The following FRAS1 variants were observed in gnomAD, a reference collection of about 807,000 sequenced individuals.
FRAS1 encodes the protein Fraser extracellular matrix complex subunit 1, also known as extracellular matrix organizing protein FRAS1.
Under a neutral mutation model 435.2 loss-of-function variants are expected in FRAS1, and 290 were observed. The ratio of observed to expected loss-of-function variants is 0.67; its 90% CI spans 0.61 to 0.73. The LOEUF is 0.73. Ranked by LOEUF, FRAS1 falls within the 30% of genes least tolerant of loss-of-function variation. The pLI is 0.00. For missense variants in FRAS1, 4,860 were observed against 5,001.5 expected, an observed-to-expected ratio of 0.97 and a Z score of 0.85; for synonymous variants, 1,800 against 1,851.0, an observed-to-expected ratio of 0.97 and a Z score of 0.71.
chr4:78,443,172 G>C (rs1734725785), intron 41 of FRAS1, among the ~76,000 whole-genome samples: 2 of 152,258 alleles, frequency 1.3e-5, no homozygotes, highest in African/African-American at 4.8e-5. Flanking sequence ...AACATAGCAA[G>C]ACCTTGTCTC....
intron 20 of FRAS1, 117 bp from the exon 21 acceptor site, chr4:78,363,396 T>C (rs1731151464): frequency 9.9e-7 from 1 of 1,014,026 alleles, no homozygotes; most frequent in Non-Finnish European, 1.4e-6. Flanking sequence ...TTTGGGCTAC[T>C]CTCCAGCTGT....
At chr4:78,317,817 GT>G (rs1326035685) in intron 17 of FRAS1, among the ~76,000 whole-genome samples, 1 of 151,998 alleles carries the variant, frequency 6.6e-6, no homozygotes, top group Non-Finnish European at 1.5e-5. Context: ...CTTTGCTAAT[GT>G]TTTTCTTAGA....
At chr4:78,505,076 G>T (rs1344989258) in intron 61 of FRAS1, among the ~76,000 whole-genome samples, 1 of 152,160 alleles carries the variant, frequency 6.6e-6, no homozygotes, top group Non-Finnish European at 1.5e-5. Context: ...TGGCTTGTAG[G>T]GTTTCTGCCA....
At chr4:78,534,316 C>T (rs1721816375) in intron 70 of FRAS1, 133 bp from the exon 71 acceptor site, 4 of 636,964 alleles carry the variant, frequency 6.3e-6, no homozygotes, top group African/African-American at 1.8e-5. Flanking sequence ...TCCCTTTATT[C>T]AGTGAATATT....
intron 2 of FRAS1, among the ~76,000 whole-genome samples, chr4:78,163,804 G>A (rs765366831): frequency 6.6e-6 from 1 of 152,200 alleles, no homozygotes; most frequent in Non-Finnish European, 1.5e-5. Context: ...GCCTTGGACT[G>A]TTAGAAGTTT....
chr4:78,119,599 A>G (rs1578137068), intron 2 of FRAS1, among the ~76,000 whole-genome samples: 1 of 152,152 alleles, frequency 6.6e-6, no homozygotes, highest in South Asian at 2.1e-4. Context: ...GTTGTTGGAC[A>G]CTTAGGTTGA....
intron 2 of FRAS1, among the ~76,000 whole-genome samples, chr4:78,228,826 C>G (rs566710222): frequency 6.6e-6 from 1 of 152,192 alleles, no homozygotes; most frequent in African/African-American, 2.4e-5. Flanking sequence ...AAGGACAAGT[C>G]ACTGTGGTAA....
chr4:78,500,390 G>A (rs894877318), intron 61 of FRAS1, among the ~76,000 whole-genome samples: 25 of 152,174 alleles, frequency 1.6e-4, no homozygotes, highest in Non-Finnish European at 4.4e-5. Context: ...ATGGAGATGA[G>A]TTTGGGAAAA....
intron 66 of FRAS1, among the ~76,000 whole-genome samples, chr4:78,518,422 G>GTGTGTATATATA (rs1397809156): frequency 4.4e-5 from 6 of 135,718 alleles, no homozygotes; most frequent in Middle Eastern, 3.7e-3. Context: ...TTTTTGTTGT[G>GTGTGTATATATA]TATATATATA....
At chr4:78,493,564 C>A (rs956103910) in intron 59 of FRAS1, among the ~76,000 whole-genome samples, 3 of 151,950 alleles carry the variant, frequency 2.0e-5, no homozygotes, top group African/African-American at 7.3e-5. Flanking sequence ...AACAGAAAAC[C>A]AAACACTGAA....
At chr4:78,328,943 C>A (rs549898039) in intron 18 of FRAS1, among the ~76,000 whole-genome samples, 16 of 152,262 alleles carry the variant, frequency 1.1e-4, no homozygotes, top group Non-Finnish European at 8.8e-5. Flanking sequence ...GCATTACCCC[C>A]ACCAGGCCTC....
In FRAS1 at chr4:78,321,602, G is replaced by T. The variant is rs188646855; in HGVS notation, c.2137+2616G>T. On this transcript the variant is annotated intron_variant, in intron 18 of 73. Coordinates refer to ENST00000512123, the MANE Select transcript of FRAS1 (RefSeq NM_025074.7). ...CTCACGCCTGTAATCCCAGCACTTT[G>T]GGAGGCCGAGGCAGGTGGATCACCT... 5.6e-3 allele frequency among the ~76,000 whole-genome samples: 860 copies of T among 152,262 alleles called. 8 individuals carry two copies. Among genetic ancestry groups the T allele is most frequent in the African/African-American group, 0.02 (817 of 41,544 alleles).
Position 78,513,378 on chromosome 4 carries a change from C to A in FRAS1, c.10014-14C>A. Reference sequence around the variant, plus strand: ...CAGTCAGCTAAACATTTATTTCTGCCTTTTTCCCCCTAGAATCCACATTTC... The same window carrying A: ...CAGTCAGCTAAACATTTATTTCTGCATTTTTCCCCCTAGAATCCACATTTC... On this transcript the variant is annotated splice_polypyrimidine_tract_variant and intron_variant, in intron 64 of 73. Coordinates refer to ENST00000512123, the MANE Select transcript of FRAS1 (RefSeq NM_025074.7). 3 of 1,612,972 alleles carry A rather than the reference C, an allele frequency of 1.9e-6. No homozygotes were observed. The highest frequency in any genetic ancestry group is 2.5e-6 in the Non-Finnish European group (3 of 1,179,364).
At chr4:78,298,026 C>CTATATA (rs1228358368) in intron 14 of FRAS1, among the ~76,000 whole-genome samples, 4 of 113,370 alleles carry the variant, frequency 3.5e-5, no homozygotes, top group Non-Finnish European at 7.1e-5. Flanking sequence ...CTCTCTCTCT[C>CTATATA]TCTCTATATA....
At chr4:78,277,324 G>A (rs1578223491) in intron 9 of FRAS1, among the ~76,000 whole-genome samples, 1 of 152,078 alleles carries the variant, frequency 6.6e-6, no homozygotes, top group East Asian at 1.9e-4. Flanking sequence ...CCACTGTCCT[G>A]CACCCACTGT....
At chr4:78,511,666 C>T (rs1002869812) in intron 64 of FRAS1, 160 bp downstream of exon 64, 4 of 690,914 alleles carry the variant, frequency 5.8e-6, no homozygotes, top group Admixed American at 2.0e-5. Context: ...CCCTCAAGCT[C>T]GGGCCCCCTG....
chr4:78,264,093 C>G (rs1407914892), intron 6 of FRAS1, among the ~76,000 whole-genome samples: 1 of 152,216 alleles, frequency 6.6e-6, no homozygotes, highest in African/African-American at 2.4e-5. Context: ...TCTACCACTT[C>G]TTAGTTATTG....
intron 30 of FRAS1, 46 bp from the exon 31 acceptor site, chr4:78,407,617 C>A: frequency 6.6e-7 from 1 of 1,515,556 alleles, no homozygotes; most frequent in Non-Finnish European, 8.9e-7. Flanking sequence ...AGGGCTCTGA[C>A]TTTTCCTAGG....
rs533693876 is a variant in FRAS1, at chr4:78,515,366, T to A, written c.10175-433T>A. Among the ~76,000 whole-genome samples, 11 of 151,010 alleles carry A rather than the reference T, an allele frequency of 7.3e-5. No individual in the cohort carries two copies. In the South Asian group the frequency reaches 1.5e-3, roughly 20 times the overall value. The stretch of plus-strand genomic sequence containing the variant: ...AGATGGGGTCTCAAAAAAGAAATTT[T>A]AAAAATCACTCTTAAAATAATAATT... On this transcript the variant is annotated intron_variant, in intron 65 of 73. Transcript: ENST00000512123.
Sources: gnomAD v4.1 joint callset for allele counts (sites outside exome capture counted in the v4.1 genomes callset) on GRCh38, gnomAD v4.1.1 for gene constraint, MANE v1.5 for transcripts, NCBI Gene and HGNC (gene_info 2026-07-23, HGNC 2026-07-21) for gene names.